The following ADAM12 variants were observed in gnomAD, a reference collection of about 807,000 sequenced individuals.
The protein encoded by ADAM12 is disintegrin and metalloproteinase domain-containing protein 12.
ADAM12 carries 70 observed loss-of-function variants against 106.4 expected under a neutral mutation model. That is an observed-to-expected ratio of 0.66 (90% CI 0.54 to 0.80). The LOEUF (loss-of-function observed/expected upper bound fraction) is 0.80. Among genes scored for constraint, ADAM12 ranks in the 30% least tolerant of loss-of-function variants. The pLI is 0.00. For synonymous variants in ADAM12, 420 were observed against 433.5 expected (o/e 0.97, Z 0.39); for missense variants, 1,010 against 1,171.9 (o/e 0.86, Z 2.02).
intron 3 of ADAM12, among the ~76,000 whole-genome samples, chr10:126,260,997 C>T (rs572638560): frequency 1.5e-4 from 23 of 151,964 alleles, no homozygotes; most frequent in Non-Finnish European, 2.6e-4. Flanking sequence ...AAAAATGATA[C>T]AAATTTAAAA....
At chr10:126,320,514 A>G (rs1854058921) in intron 2 of ADAM12, among the ~76,000 whole-genome samples, 1 of 152,238 alleles carries the variant, frequency 6.6e-6, no homozygotes, top group African/African-American at 2.4e-5. Flanking sequence ...GAACAAAAAC[A>G]TCTTCATCAC....
intron 5 of ADAM12, among the ~76,000 whole-genome samples, chr10:126,126,383 C>T (rs117524248): frequency 0.011 from 1,599 of 152,224 alleles, 13 homozygotes; most frequent in Non-Finnish European, 0.018. Flanking sequence ...CTGTCACTAA[C>T]AACATTTTAT....
rs989048058 is a variant in ADAM12, at chr10:126,190,680, C to T, written c.261-35375G>A. ...CTGTTTTGTCTATGAAAGCGACAAACACACTAATGGGAGACTGAAAATGAG... is the reference window on the plus strand; with the variant it reads ...CTGTTTTGTCTATGAAAGCGACAAATACACTAATGGGAGACTGAAAATGAG... On this transcript the variant is annotated intron_variant, in intron 3 of 22. Coordinates refer to ENST00000448723, the MANE Select transcript of ADAM12 (RefSeq NM_001288973.2). Among the ~76,000 whole-genome samples, 8 of 152,132 alleles carry T rather than the reference C, an allele frequency of 5.3e-5. No individual in the cohort carries two copies. In the South Asian group the frequency reaches 6.2e-4, roughly 12 times the overall value.
chr10:126,177,065 C>A (rs1055922517), intron 3 of ADAM12, among the ~76,000 whole-genome samples: 1 of 152,028 alleles, frequency 6.6e-6, no homozygotes, highest in African/African-American at 2.4e-5. Flanking sequence ...CACGCACACA[C>A]ACACGGTTTC....
intron 3 of ADAM12, among the ~76,000 whole-genome samples, chr10:126,157,487 G>C (rs1427289397): frequency 6.6e-6 from 1 of 152,270 alleles, no homozygotes; most frequent in Non-Finnish European, 1.5e-5. Context: ...GTTCAGAACT[G>C]AGAGTCAGCT....
At chr10:126,362,857 T>C (rs1460774187) in intron 1 of ADAM12, among the ~76,000 whole-genome samples, 1 of 152,180 alleles carries the variant, frequency 6.6e-6, no homozygotes, top group Admixed American at 6.5e-5. Context: ...TTTTTTGTTT[T>C]TTGAGATCTA....
chr10:126,058,093 C>T (rs1166794941), intron 14 of ADAM12, among the ~76,000 whole-genome samples: 3 of 152,144 alleles, frequency 2.0e-5, no homozygotes, highest in Non-Finnish European at 4.4e-5. Flanking sequence ...CTCCCGTGTC[C>T]TTCAGGGCTC....
At chr10:126,213,994 T>C (rs1254597062) in intron 3 of ADAM12, among the ~76,000 whole-genome samples, 2 of 152,172 alleles carry the variant, frequency 1.3e-5, no homozygotes, top group African/African-American at 4.8e-5. Flanking sequence ...ACATACTGAT[T>C]ACAAAAGTAC....
chr10:126,359,412 A>C (rs1855663060), intron 1 of ADAM12, among the ~76,000 whole-genome samples: 1 of 152,226 alleles, frequency 6.6e-6, no homozygotes. Flanking sequence ...TAAAATCAAA[A>C]GCAAGTTAGT....
intron 1 of ADAM12, among the ~76,000 whole-genome samples, chr10:126,346,435 C>T (rs1371432785): frequency 6.6e-6 from 1 of 152,154 alleles, no homozygotes; most frequent in African/African-American, 2.4e-5. Flanking sequence ...GAGTGCTTTA[C>T]TTCCAACTAT....
chr10:126,263,383 G>C (rs529267066), intron 3 of ADAM12, among the ~76,000 whole-genome samples: 163 of 152,260 alleles, frequency 1.1e-3, no homozygotes, highest in Non-Finnish European at 2.1e-3. Context: ...TTTGCCTAAA[G>C]TCACAGAGCT....
Position 126,071,329 on chromosome 10 carries a change from C to T in ADAM12, c.1323+148G>A, listed in dbSNP as rs116878836. On this transcript the variant is annotated intron_variant, in intron 12 of 22. Coordinates refer to ENST00000448723, the MANE Select transcript of ADAM12 (RefSeq NM_001288973.2). Reference sequence around the variant, plus strand: ...AATTCAAGAAAGCCACCCTAGCTCACGGGGCTTGTTCAGGATGGGCAGATA... The same window carrying T: ...AATTCAAGAAAGCCACCCTAGCTCATGGGGCTTGTTCAGGATGGGCAGATA... The T allele has an allele frequency of 2.4e-4, 215 of 877,652 alleles. 4 individuals are homozygous for T. The South Asian group carries it at 2.9e-3, about 12-fold the overall frequency. The allele number at this position is 877,652 out of a possible 1,614,324, so 54.4% of individuals were successfully genotyped here.
intron 3 of ADAM12, among the ~76,000 whole-genome samples, chr10:126,174,027 TTTTTTTTTTGA>T: frequency 7.9e-6 from 1 of 126,392 alleles, no homozygotes. Context: ...TTTTTTTTTT[TTTTTTTTTTGA>T]GATAGAGTCT....
At chr10:126,247,244 G>T (rs549284431) in intron 3 of ADAM12, among the ~76,000 whole-genome samples, 1 of 152,154 alleles carries the variant, frequency 6.6e-6, no homozygotes, top group African/African-American at 2.4e-5. Context: ...AATCAAATGC[G>T]TCCTTTACTT....
intron 20 of ADAM12, among the ~76,000 whole-genome samples, chr10:126,037,212 A>G (rs780397749): frequency 3.3e-5 from 5 of 150,320 alleles, no homozygotes; most frequent in Admixed American, 2.6e-4. Context: ...CAAATATACC[A>G]TTGTTTATCC....
At chr10:126,350,508 T>G (rs1855311831) in intron 1 of ADAM12, among the ~76,000 whole-genome samples, 1 of 152,148 alleles carries the variant, frequency 6.6e-6, no homozygotes, top group Non-Finnish European at 1.5e-5. Context: ...ACAACTAGAC[T>G]CACCTGGCCC....
rs1419348804 is a variant in ADAM12 at position 126,092,361 on chromosome 10, G to T, written c.1145+1624C>A. On this transcript the variant is annotated intron_variant, in intron 11 of 22. Transcript: ENST00000448723. ...CTGTCTGAAAGTCACCCAGCGTGTG[G>T]CCCAGCATAGCGATCAGGGCTTGTG... Among the ~76,000 whole-genome samples, 4 of 152,150 alleles carry T rather than the reference G, an allele frequency of 2.6e-5. 1 individual carries two copies. The East Asian group carries it at 7.7e-4, about 29-fold the overall frequency.
intron 11 of ADAM12, among the ~76,000 whole-genome samples, chr10:126,076,082 C>G (rs1955094721): frequency 6.6e-6 from 1 of 152,140 alleles, no homozygotes; most frequent in Non-Finnish European, 1.5e-5. Context: ...CCCCTCCCAT[C>G]CTCCCCCATC....
At chr10:126,227,719 C>T (rs896536540) in intron 3 of ADAM12, among the ~76,000 whole-genome samples, 3 of 152,142 alleles carry the variant, frequency 2.0e-5, no homozygotes, top group Admixed American at 2.0e-4. Context: ...GGAGAGAGTA[C>T]CCCCATCACC....
Sources: allele counts gnomAD v4.1 joint callset (sites outside exome capture counted in the v4.1 genomes callset), GRCh38; gene constraint gnomAD v4.1.1; transcripts MANE v1.5; gene names NCBI Gene and HGNC (gene_info 2026-07-23, HGNC 2026-07-21).